CGNL1: variants seen among roughly 807,000 people sequenced by gnomAD.
CGNL1 encodes cingulin like 1, also known as cingulin-like protein 1.
CGNL1 carries 132 observed loss-of-function variants against 141.2 expected under a neutral mutation model. The ratio of observed to expected loss-of-function variants is 0.93; its 90% CI spans 0.81 to 1.08. CGNL1 has a LOEUF of 1.08. CGNL1 is among the 50% of genes least tolerant of loss of function. The pLI is 0.00. For missense variants in CGNL1, 1,870 were observed against 1,588.6 expected, an observed-to-expected ratio of 1.18 and a Z score of -3.01; for synonymous variants, 690 against 622.1, an observed-to-expected ratio of 1.11 and a Z score of -1.63.
intron 14 of CGNL1, among the ~76,000 whole-genome samples, chr15:57,539,462 A>C (rs1305492787): frequency 1.3e-5 from 2 of 151,912 alleles, no homozygotes; most frequent in Admixed American, 6.6e-5. Context: ...GTGGCTTCTC[A>C]TTGACACCTA....
intron 18 of CGNL1, among the ~76,000 whole-genome samples, 199 bp from the exon 19 acceptor site, chr15:57,547,156 C>A (rs1276733861): frequency 6.6e-6 from 1 of 152,228 alleles, no homozygotes; most frequent in Non-Finnish European, 1.5e-5. Context: ...CCAGCACAGG[C>A]TTTCCGTGCC....
At position 57,461,874 on chromosome 15, in the gene CGNL1, T is replaced by G; in HGVS notation, c.2385T>G (p.Ser795Arg). The change falls in exon 8 of 19, where the codon AGT (serine) becomes AGG (arginine). Residue 795 changes from serine (S) to arginine (R), a missense_variant. Physicochemically the swap from Ser to Arg is moderately radical, Grantham distance 110. Transcript: ENST00000281282. ...CTGAGTTGCAGGCCCTGAGGGAGAG[T>G]GTGGAAGAAGCAACCAAGGTGAGGG... Reference protein sequence around the residue: ...YDAELQALRESVEEATKNVEV... With the variant: ...YDAELQALRERVEEATKNVEV... 6.2e-7 allele frequency: 1 copy of G among 1,612,038 alleles called. No homozygotes were observed. Among genetic ancestry groups the G allele is most frequent in the Non-Finnish European group, 8.5e-7 (1 of 1,179,540 alleles).
chr15:57,440,228 A>G, intron 2 of CGNL1, 149 bp from the exon 3 acceptor site: 1 of 620,466 alleles, frequency 1.6e-6, no homozygotes, highest in Non-Finnish European at 2.8e-6. Context: ...AATTGAGGCG[A>G]GGAGAAGTTA....
chr15:57,493,181 T>G (rs1177492931), intron 8 of CGNL1, among the ~76,000 whole-genome samples: 4 of 152,246 alleles, frequency 2.6e-5, no homozygotes, highest in African/African-American at 9.6e-5. Flanking sequence ...CTGGTAAAGT[T>G]GAATCATATT....
chr15:57,520,761 G>C (rs2031198675), intron 10 of CGNL1, among the ~76,000 whole-genome samples: 1 of 152,106 alleles, frequency 6.6e-6, no homozygotes, highest in Non-Finnish European at 1.5e-5. Flanking sequence ...TGAGTATTGA[G>C]ACAACCAAGG....
chr15:57,463,434 C>T (rs1280374), intron 8 of CGNL1, among the ~76,000 whole-genome samples: 120,974 of 152,194 alleles, frequency 0.79, 48,649 homozygotes, highest in African/African-American at 0.92. Context: ...TCAAGAGCGA[C>T]AACTACATTG....
chr15:57,418,434 T>G (rs2062874866), intron 1 of CGNL1, among the ~76,000 whole-genome samples: 1 of 152,136 alleles, frequency 6.6e-6, no homozygotes, highest in African/African-American at 2.4e-5. Context: ...ATCAGTTCGG[T>G]TTTTCATCCA....
chr15:57,424,589 T>G (rs2062952926), intron 1 of CGNL1, among the ~76,000 whole-genome samples: 1 of 152,192 alleles, frequency 6.6e-6, no homozygotes, highest in Non-Finnish European at 1.5e-5. Flanking sequence ...ACCACGCCAT[T>G]CCAGTGTCTG....
In CGNL1 at chr15:57,524,567, G is replaced by GTCACT; in HGVS notation, c.2869-11_2869-7dup. 1.2e-6 allele frequency: 2 copies of GTCACT among 1,609,008 alleles called. No individual in the cohort carries two copies. Among genetic ancestry groups the GTCACT allele is most frequent in the Non-Finnish European group, 1.7e-6 (2 of 1,177,840 alleles). ...CATCCCAGGGTGGGCTCACACCCGT[G>GTCACT]TCACTTCTTCTAGATGGCAGACATT... On this transcript the variant is annotated splice_polypyrimidine_tract_variant and intron_variant, in intron 11 of 18. Transcript: ENST00000281282.
At chr15:57,393,816 T>C (rs2062569543) in intron 1 of CGNL1, 3 of 152,142 alleles carry the variant, frequency 2.0e-5, no homozygotes, top group Non-Finnish European at 2.9e-5. Context: ...AGTGGTGTAA[T>C]TTTACATGAA....
intron 8 of CGNL1, among the ~76,000 whole-genome samples, chr15:57,471,356 C>A (rs779530000): frequency 6.6e-6 from 1 of 152,158 alleles, no homozygotes; most frequent in African/African-American, 2.4e-5. Flanking sequence ...TAGGAGGATC[C>A]CTCACATGGA....
intron 8 of CGNL1, among the ~76,000 whole-genome samples, chr15:57,477,964 C>T (rs1348440214): frequency 1.3e-5 from 2 of 152,166 alleles, no homozygotes; most frequent in South Asian, 2.1e-4. Flanking sequence ...ATTTACTTTG[C>T]CCCTGTGTAG....
intron 3 of CGNL1, among the ~76,000 whole-genome samples, chr15:57,441,078 A>G (rs1413413959): frequency 6.7e-6 from 1 of 149,142 alleles, no homozygotes; most frequent in African/African-American, 2.4e-5. Context: ...AAGGACAAAA[A>G]AAAAAAAAAA....
intron 1 of CGNL1, among the ~76,000 whole-genome samples, chr15:57,425,191 C>A (rs2062958910): frequency 2.6e-5 from 4 of 152,062 alleles, no homozygotes; most frequent in Non-Finnish European, 5.9e-5. Context: ...TTGTAGGAAG[C>A]TATTTTTAAC....
chr15:57,450,254 C>T (rs1305931026), intron 4 of CGNL1, among the ~76,000 whole-genome samples: 2 of 152,074 alleles, frequency 1.3e-5, no homozygotes, highest in African/African-American at 4.8e-5. Flanking sequence ...CATCCTAATT[C>T]GTATATATTG....
intron 8 of CGNL1, among the ~76,000 whole-genome samples, chr15:57,505,636 C>T (rs112783155): frequency 3.3e-5 from 5 of 152,160 alleles, no homozygotes; most frequent in East Asian, 1.9e-4. Flanking sequence ...TCAGCCTAAA[C>T]GCTTGTAGCA....
At chr15:57,509,652 A>G (rs1359149706) in intron 8 of CGNL1, among the ~76,000 whole-genome samples, 1 of 152,248 alleles carries the variant, frequency 6.6e-6, no homozygotes, top group Non-Finnish European at 1.5e-5. Context: ...TTAACCCATG[A>G]ACATGTGGAA....
intron 17 of CGNL1, 148 bp from the exon 18 acceptor site, chr15:57,545,928 G>A: frequency 4.4e-6 from 4 of 919,376 alleles, no homozygotes; most frequent in Non-Finnish European, 6.6e-6. Context: ...CCCTGTCTTA[G>A]TGCCTGCTCT....
At position 57,543,742 on chromosome 15, in the gene CGNL1, A is replaced by G; in HGVS notation, c.3338A>G (p.Gln1113Arg). 1 of 1,614,104 alleles carries G rather than the reference A, an allele frequency of 6.2e-7. No homozygotes were observed. Among genetic ancestry groups the G allele is most frequent in the East Asian group, 2.2e-5 (1 of 44,886 alleles). ...CTACTTCAGGAGAGAGCTGCGAGAC[A>G]AGACTTGGAGTGCGACAAGATTTCC... The part of the protein sequence containing the change: ...NELLQERAAR[Q>R]DLECDKISLE... Residue 1113 changes from glutamine (Q) to arginine (R), a missense_variant, in exon 15 of 19, where the codon CAA becomes CGA. Physicochemically the swap from Gln to Arg is conservative, Grantham distance 43. Coordinates refer to ENST00000281282, the MANE Select transcript of CGNL1 (RefSeq NM_032866.5).
Sources: allele counts gnomAD v4.1 joint callset (sites outside exome capture counted in the v4.1 genomes callset), GRCh38; gene constraint gnomAD v4.1.1; transcripts MANE v1.5; gene names NCBI Gene and HGNC (gene_info 2026-07-23, HGNC 2026-07-21).